Variants in IFT140 observed in about 807,000 individuals in gnomAD.
The protein encoded by IFT140 is intraflagellar transport 140, also known as intraflagellar transport protein 140 homolog.
IFT140 carries 133 observed loss-of-function variants against 164.6 expected under a neutral mutation model. The observed-to-expected ratio is 0.81, with a 90% CI of 0.70 to 0.93. IFT140 has a LOEUF of 0.93. Ranked by LOEUF, IFT140 falls within the 40% of genes least tolerant of loss-of-function variation. The probability of loss-of-function intolerance (pLI) is 0.00; values close to 1 mark genes in which losing one functional copy is unlikely to be tolerated. For missense variants in IFT140, 2,045 were observed against 1,972.3 expected, an observed-to-expected ratio of 1.04 and a Z score of -0.70; for synonymous variants, 860 against 817.3, an observed-to-expected ratio of 1.05 and a Z score of -0.89.
Position 1,513,880 on chromosome 16 carries a change from A to G in IFT140, c.4183-2730T>C, listed in dbSNP as rs981899634. ...AGTAGAGACGGGGTTTCACCGTGTT[A>G]GCCAAGATGGTCTCCATCTCCTGAC... On this transcript the variant is annotated intron_variant, in intron 30 of 30. Coordinates refer to ENST00000426508, the MANE Select transcript of IFT140 (RefSeq NM_014714.4). Among the ~76,000 whole-genome samples, 5 of 141,416 alleles carry G rather than the reference A, an allele frequency of 3.5e-5. No individual in the cohort carries two copies. The East Asian group carries it at 1.0e-3, about 28-fold the overall frequency. The allele number at this position is 141,416 out of a possible 152,430, so 92.8% of individuals were successfully genotyped here.
chr16:1,534,111 G>T lies in IFT140; in HGVS notation c.2400-7315C>A, dbSNP rs1374626066. The T allele has an allele frequency of 4.9e-6, 4 of 815,542 alleles. No homozygotes were observed. In the African/African-American group the frequency reaches 7.2e-5, roughly 15 times the overall value. 50.5% of individuals were successfully genotyped at this position (815,542 alleles called of 1,614,324 possible). A position where few individuals can be genotyped will look rare whatever the true frequency, so the allele number is the denominator to read the frequency against. ...GCAGGAAGGAGGATAAGGCCGGGCC[G>T]AGAGGCGGCACACCTGGACCATCCC... On this transcript the variant is annotated intron_variant, in intron 19 of 30. Coordinates refer to ENST00000426508, the MANE Select transcript of IFT140 (RefSeq NM_014714.4).
intron 30 of IFT140, among the ~76,000 whole-genome samples, chr16:1,513,580 C>G (rs549804402): frequency 6.6e-6 from 1 of 152,228 alleles, no homozygotes; most frequent in South Asian, 2.1e-4. Flanking sequence ...CTAATGACGA[C>G]GGACACATGG....
rs187738639 is a variant in IFT140 at position 1,548,270 on chromosome 16, G to A, written c.2399+9665C>T. Among the ~76,000 whole-genome samples the A allele has an allele frequency of 3.2e-3, 481 of 152,346 alleles. 3 individuals are homozygous for A. Among genetic ancestry groups the A allele is most frequent in the Non-Finnish European group, 4.9e-3 (334 of 68,030 alleles). ...CAGTTTGCTAGCTCTGCAGCTGTAC[G>A]AAGAGCATCAGGGGTCAGCCCTGGG... On this transcript the variant is annotated intron_variant, in intron 19 of 30. Coordinates refer to ENST00000426508, the MANE Select transcript of IFT140 (RefSeq NM_014714.4).
chr16:1,557,703 G>A (rs573131769), intron 19 of IFT140: 2 of 543,536 alleles, frequency 3.7e-6, no homozygotes, highest in East Asian at 3.0e-5. Flanking sequence ...TTTCCACTAG[G>A]AAGCAGCTAA....
Position 1,523,941 on chromosome 16 carries a change from C to T in IFT140, c.3157G>A (p.Asp1053Asn), listed in dbSNP as rs148194893. 2.6e-5 allele frequency: 42 copies of T among 1,612,332 alleles called. No individual in the cohort carries two copies. Among genetic ancestry groups the T allele is most frequent in the Admixed American group, 1.2e-4 (7 of 60,012 alleles). The change falls in exon 25 of 31, where the codon GAC becomes AAC. Residue 1053 changes from aspartate (D) to asparagine (N), a missense_variant. Transcript: ENST00000426508. Reference protein sequence around the residue: ...IRLCKENGLDDQLMNLALLSS... With the variant: ...IRLCKENGLDNQLMNLALLSS... ...AGCAGGGCCAAGTTCATGAGCTGGT[C>T]GTCCAGGCCGTTCTCCTGCAGGGAG...
intron 4 of IFT140, among the ~76,000 whole-genome samples, chr16:1,596,554 A>G (rs2035475193): frequency 6.6e-6 from 1 of 152,184 alleles, no homozygotes; most frequent in African/African-American, 2.4e-5. Flanking sequence ...CCAAAAGCAG[A>G]GATCTCTGCT....
chr16:1,518,279 G>A lies in IFT140; in HGVS notation c.4119C>T (p.Ile1373=), dbSNP rs2040422833. 6.2e-7 allele frequency: 1 copy of A among 1,614,046 alleles called. No individual in the cohort carries two copies. The highest frequency in any genetic ancestry group is 1.7e-5 in the Admixed American group (1 of 60,012). The change falls in exon 30 of 31, where the codon ATC becomes ATT. Residue 1373 remains isoleucine (I), a synonymous_variant. Coordinates refer to ENST00000426508, the MANE Select transcript of IFT140 (RefSeq NM_014714.4). ...GGAAGCCATAGACGTCCCCGATGCG[G>A]ATGGTGCTGTCCAGGTCTGGTTCCT... ...LLEEPDLDST[I]RIGDVYGFLV... is the part of the protein sequence containing the mutation.
chr16:1,598,861 C>G (rs894164739), intron 4 of IFT140, among the ~76,000 whole-genome samples: 2 of 151,536 alleles, frequency 1.3e-5, no homozygotes, highest in Non-Finnish European at 2.9e-5. Flanking sequence ...AGGAGTGTCT[C>G]TGCCTGGCCG....
At position 1,571,494 on chromosome 16, in the gene IFT140, C is replaced by T. The variant is rs199826737; in HGVS notation, c.1565G>A (p.Gly522Glu). ...ACAGATGTCCAAGAAGCAGGGATTCCCCTCAGTCTCCGAGAAAAGGAGGAG... is the reference window on the plus strand; with the variant it reads ...ACAGATGTCCAAGAAGCAGGGATTCTCCTCAGTCTCCGAGAAAAGGAGGAG... The part of the protein sequence containing the change: ...KQLLLFSETE[G>E]NPCFLDICGN... The change falls in exon 14 of 31, where the codon GGG becomes GAG. Residue 522 changes from glycine (G) to glutamate (E), a missense_variant. Coordinates refer to ENST00000426508, the MANE Select transcript of IFT140 (RefSeq NM_014714.4). 157 of 1,613,824 alleles carry T rather than the reference C, an allele frequency of 9.7e-5. No individual in the cohort carries two copies. The highest frequency in any genetic ancestry group is 1.1e-4 in the Non-Finnish European group (133 of 1,179,868).
chr16:1,555,969 G>A (rs1345008950), intron 19 of IFT140, among the ~76,000 whole-genome samples: 2 of 152,142 alleles, frequency 1.3e-5, no homozygotes, highest in Non-Finnish European at 2.9e-5. Flanking sequence ...AGCCAGGCGT[G>A]GTGGCGGGTG....
rs2141172567 is a variant in IFT140, at chr16:1,524,872, T to A, written c.2909A>T (p.Glu970Val). The A allele has an allele frequency of 6.2e-7, 1 of 1,612,302 alleles. No individual in the cohort carries two copies. Among genetic ancestry groups the A allele is most frequent in the Admixed American group, 1.7e-5 (1 of 60,010 alleles). ...WWAQYLESQG[E>V]MDAALHYYEL... Reference sequence around the variant, plus strand: ...GTAGTAGTGCAGCGCGGCGTCCATCTCGCCCTGGCTCTCCAGGTACTGCGC... The same window carrying A: ...GTAGTAGTGCAGCGCGGCGTCCATCACGCCCTGGCTCTCCAGGTACTGCGC... Residue 970 changes from glutamate to valine, a missense_variant, in exon 23 of 31, where the codon GAG (glutamate) becomes GTG (valine). Physicochemically the swap from Glu to Val is moderately radical, Grantham distance 121. Transcript: ENST00000426508.
intron 30 of IFT140, chr16:1,513,041 A>G (rs1195398388): frequency 2.0e-5 from 3 of 152,120 alleles, no homozygotes; most frequent in Admixed American, 2.0e-4. Flanking sequence ...ATGTTTCCCA[A>G]GCTCATTTCT....
intron 6 of IFT140, 109 bp from the exon 7 acceptor site, chr16:1,589,889 A>G: frequency 9.8e-7 from 1 of 1,025,088 alleles, no homozygotes; most frequent in Non-Finnish European, 1.4e-6. Flanking sequence ...AAAGCAAAGC[A>G]TCTTCAGTAT....
intron 10 of IFT140, among the ~76,000 whole-genome samples, chr16:1,584,626 T>A (rs1349078826): frequency 6.6e-6 from 1 of 152,190 alleles, no homozygotes; most frequent in East Asian, 1.9e-4. Context: ...TTCAAGATAC[T>A]GATGCTCAAG....
intron 19 of IFT140, among the ~76,000 whole-genome samples, chr16:1,557,241 C>T (rs116905776): frequency 0.022 from 3,302 of 152,272 alleles, 53 homozygotes; most frequent in Non-Finnish European, 0.034. Flanking sequence ...ATGTGCAAAC[C>T]GGAAAGAGCT....
At chr16:1,585,829 G>A (rs1175012792) in intron 10 of IFT140, among the ~76,000 whole-genome samples, 2 of 144,480 alleles carry the variant, frequency 1.4e-5, no homozygotes, top group African/African-American at 5.2e-5. Context: ...GGAGTGCAGT[G>A]GCACAATCTC....
intron 29 of IFT140, among the ~76,000 whole-genome samples, chr16:1,518,699 G>A (rs2040434936): frequency 6.6e-6 from 1 of 151,834 alleles, no homozygotes; most frequent in Non-Finnish European, 1.5e-5. Context: ...AGGGTACACG[G>A]AGAGGCGCAC....
intron 19 of IFT140, among the ~76,000 whole-genome samples, chr16:1,552,481 G>C (rs1349567967): frequency 1.3e-5 from 2 of 152,082 alleles, no homozygotes; most frequent in Admixed American, 6.5e-5. Context: ...GTAAACATGA[G>C]TGGACGCTGT....
At chr16:1,572,173 C>G (rs2034054814) in intron 13 of IFT140, among the ~76,000 whole-genome samples, 2 of 152,192 alleles carry the variant, frequency 1.3e-5, no homozygotes, top group African/African-American at 4.8e-5. Flanking sequence ...GCCAGGTGGG[C>G]AGAGGCCACA....
Sources: allele counts gnomAD v4.1 joint callset (sites outside exome capture counted in the v4.1 genomes callset), GRCh38; gene constraint gnomAD v4.1.1; transcripts MANE v1.5; gene names NCBI Gene and HGNC (gene_info 2026-07-23, HGNC 2026-07-21).